DLGAP4: variants seen among roughly 807,000 people sequenced by gnomAD.
DLGAP4 encodes the protein disks large-associated protein 4.
In DLGAP4, 18 loss-of-function variants were observed where a neutral mutation model predicts 86.9. That is an observed-to-expected ratio of 0.21 (90% CI 0.14 to 0.31). The LOEUF is 0.31. Among genes scored for constraint, DLGAP4 ranks in the 10% least tolerant of loss-of-function variants. The probability of loss-of-function intolerance (pLI) is 1.00; values close to 1 mark genes in which losing one functional copy is unlikely to be tolerated. For missense variants in DLGAP4, 1,085 were observed against 1,362.6 expected (o/e 0.80, Z 3.21); for synonymous variants, 548 against 574.3 (o/e 0.95, Z 0.65).
chr20:36,311,116 C>A (rs1028771875), intron 1 of DLGAP4, among the ~76,000 whole-genome samples: 32 of 152,220 alleles, frequency 2.1e-4, no homozygotes, highest in Non-Finnish European at 4.1e-4. Flanking sequence ...CCATTTCATC[C>A]CCCCATCTTC....
chr20:36,352,722 T>C (rs1261282540), intron 1 of DLGAP4, among the ~76,000 whole-genome samples: 5 of 151,866 alleles, frequency 3.3e-5, no homozygotes, highest in Admixed American at 6.6e-5. Flanking sequence ...CAGTGCTGCA[T>C]GGAGATGTCT....
At chr20:36,476,039 A>T (rs1272758277) in intron 7 of DLGAP4, among the ~76,000 whole-genome samples, 2 of 151,530 alleles carry the variant, frequency 1.3e-5, no homozygotes, top group Admixed American at 6.6e-5. Context: ...TTGTATTTTT[A>T]GTAGAGACAG....
At chr20:36,320,817 C>T (rs1439216227) in intron 1 of DLGAP4, among the ~76,000 whole-genome samples, 8 of 152,306 alleles carry the variant, frequency 5.3e-5, no homozygotes, top group Admixed American at 3.3e-4. Flanking sequence ...CCCTCTCTGC[C>T]GCCTAAGGCC....
intron 2 of DLGAP4, among the ~76,000 whole-genome samples, chr20:36,414,650 A>G (rs1016608465): frequency 6.6e-6 from 1 of 152,232 alleles, no homozygotes; most frequent in East Asian, 1.9e-4. Context: ...TGGATCAGAC[A>G]TGAGAGGTTT....
At chr20:36,329,340 G>C (rs1415062036) in intron 1 of DLGAP4, among the ~76,000 whole-genome samples, 2 of 152,212 alleles carry the variant, frequency 1.3e-5, no homozygotes, top group Non-Finnish European at 2.9e-5. Flanking sequence ...CCAGTTATGT[G>C]ACCTGGGACT....
chr20:36,468,959 G>A (rs993016728), intron 7 of DLGAP4, among the ~76,000 whole-genome samples: 6 of 152,114 alleles, frequency 3.9e-5, no homozygotes, highest in Admixed American at 2.6e-4. Context: ...GTTTCAGCAC[G>A]TTGGTTCTGG....
At chr20:36,328,947 T>C (rs2065242158) in intron 1 of DLGAP4, among the ~76,000 whole-genome samples, 1 of 152,188 alleles carries the variant, frequency 6.6e-6, no homozygotes, top group Admixed American at 6.5e-5. Context: ...AGCTAATTTA[T>C]ATATTTTTAG....
At chr20:36,408,848 A>T (rs1255172441) in intron 2 of DLGAP4, among the ~76,000 whole-genome samples, 1 of 152,246 alleles carries the variant, frequency 6.6e-6, no homozygotes, top group Admixed American at 6.5e-5. Flanking sequence ...AAGGACGTTA[A>T]TGGAAATGGT....
chr20:36,341,166 C>T (rs1334910421), intron 1 of DLGAP4, among the ~76,000 whole-genome samples: 1 of 152,212 alleles, frequency 6.6e-6, no homozygotes, highest in Non-Finnish European at 1.5e-5. Flanking sequence ...CCAGGCTGCT[C>T]CCCACCTCAG....
chr20:36,342,670 A>G lies in DLGAP4; in HGVS notation c.-303-24375A>G, dbSNP rs554403854. Among the ~76,000 whole-genome samples, 44 of 152,334 alleles carry G rather than the reference A, an allele frequency of 2.9e-4. 1 individual carries two copies. In the South Asian group the frequency reaches 6.2e-3, roughly 22 times the overall value. ...GGCTGGGATGGAGGTAACCTCTGCCAACTGGAAAGGCTCAGAGACTGGCTC... is the reference window on the plus strand; with the variant it reads ...GGCTGGGATGGAGGTAACCTCTGCCGACTGGAAAGGCTCAGAGACTGGCTC... On this transcript the variant is annotated intron_variant, in intron 1 of 12. Transcript: ENST00000339266.
intron 7 of DLGAP4, among the ~76,000 whole-genome samples, chr20:36,466,997 GTCTCTCTCTCTCTCTCTCTCCTCTC>G (rs2034403647): frequency 1.8e-4 from 7 of 38,696 alleles, no homozygotes; most frequent in African/African-American, 7.9e-4. Context: ...CTCTGTCTCT[GTCTCTCTCTCTCTCTCTCTCCTCTC>G]TCTCTCTCTC....
chr20:36,515,730 T>A (rs1399529831), intron 10 of DLGAP4, among the ~76,000 whole-genome samples: 1 of 152,208 alleles, frequency 6.6e-6, no homozygotes, highest in Non-Finnish European at 1.5e-5. Flanking sequence ...CAGCCTCCTT[T>A]TCTGAGGTGC....
Position 36,377,402 on chromosome 20 carries a change from G to A in DLGAP4, c.-73+10127G>A, listed in dbSNP as rs114122820. ...CTTGGTTTCCTCATCTGTAATACAA[G>A]GATAACAGCAGCCCCCATCTTAGAG... On this transcript the variant is annotated intron_variant, in intron 2 of 12. Coordinates refer to ENST00000339266, the MANE Select transcript of DLGAP4 (RefSeq NM_001365621.2). Among the ~76,000 whole-genome samples, 180 of 152,262 alleles carry A rather than the reference G, an allele frequency of 1.2e-3. 1 individual carries two copies. The highest frequency in any genetic ancestry group is 4.2e-3 in the African/African-American group (174 of 41,556).
rs545239843 is a variant in DLGAP4 at position 36,415,322 on chromosome 20, CG to C, written c.-72-16323del. Among the ~76,000 whole-genome samples, 75 of 152,086 alleles carry C rather than the reference CG, an allele frequency of 4.9e-4. 1 individual carries two copies. The highest frequency in any genetic ancestry group is 1.8e-3 in the African/African-American group (75 of 41,534). ...AAAACAAACGAAAACGTCCAGAGAG[CG>C]CTGGCCTAGGAGTCCAGAGGTCTGG... On this transcript the variant is annotated intron_variant, in intron 2 of 12. Transcript: ENST00000339266.
chr20:36,493,974 C>T (rs2035776364), intron 7 of DLGAP4, among the ~76,000 whole-genome samples: 2 of 152,212 alleles, frequency 1.3e-5, no homozygotes, highest in South Asian at 4.1e-4. Flanking sequence ...GCGTGTCCCT[C>T]CTCTCTCAGG....
chr20:36,527,061 A>T lies in DLGAP4; in HGVS notation c.*30A>T, dbSNP rs754481654. 1 of 1,558,812 alleles carries T rather than the reference A, an allele frequency of 6.4e-7. No homozygotes were observed. Among genetic ancestry groups the T allele is most frequent in the Admixed American group, 2.1e-5 (1 of 47,968 alleles). ...ATGCAGGAGGAAAGAAACGATTTTAAATCATTAAAAACACAAAAACTAAGT... is the reference window on the plus strand; with the variant it reads ...ATGCAGGAGGAAAGAAACGATTTTATATCATTAAAAACACAAAAACTAAGT... On this transcript the variant is annotated 3_prime_UTR_variant, in exon 13 of 13. Transcript: ENST00000339266.
intron 1 of DLGAP4, among the ~76,000 whole-genome samples, chr20:36,354,802 C>T (rs1478468196): frequency 6.6e-6 from 1 of 152,002 alleles, no homozygotes; most frequent in African/African-American, 2.4e-5. Flanking sequence ...ATTGGCCAGG[C>T]GTGGTGGCGT....
At chr20:36,499,349 A>AAGCCCCCCCCC in intron 8 of DLGAP4, 1 of 1,590,154 alleles carries the variant, frequency 6.3e-7, no homozygotes, top group Non-Finnish European at 8.6e-7. Context: ...TCTCCACCCC[A>AAGCCCCCCCCC]TCCCACCTCC....
In DLGAP4 at chr20:36,526,935, G is replaced by A; in HGVS notation, c.2883G>A (p.Leu961=). The A allele has an allele frequency of 6.2e-7, 1 of 1,613,746 alleles. No individual in the cohort carries two copies. Among genetic ancestry groups the A allele is most frequent in the Non-Finnish European group, 8.5e-7 (1 of 1,179,912 alleles). ...KQRQEARKRL[L]AAKRAASVRQ... The stretch of plus-strand genomic sequence containing the variant: ...GCCAGGAGGCCCGCAAGAGACTCCT[G>A]GCGGCCAAGCGGGCAGCTTCTGTGC... Residue 961 remains leucine (L), a synonymous_variant, in exon 13 of 13, where the codon CTG becomes CTA. Coordinates refer to ENST00000339266, the MANE Select transcript of DLGAP4 (RefSeq NM_001365621.2).
Sources: allele counts gnomAD v4.1 joint callset (sites outside exome capture counted in the v4.1 genomes callset), GRCh38; gene constraint gnomAD v4.1.1; transcripts MANE v1.5; gene names NCBI Gene and HGNC (gene_info 2026-07-23, HGNC 2026-07-21).